MMP16: variants seen among roughly 807,000 people sequenced by gnomAD.
MMP16 encodes the protein matrix metalloproteinase-16.
Under a neutral mutation model 67.8 loss-of-function variants are expected in MMP16, and 12 were observed. The observed-to-expected ratio is 0.18, with a 90% CI of 0.11 to 0.29. The LOEUF (loss-of-function observed/expected upper bound fraction) is 0.29. Ranked by LOEUF, MMP16 falls within the 10% of genes least tolerant of loss-of-function variation. The pLI is 1.00. For missense variants in MMP16, 475 were observed against 765.7 expected (o/e 0.62, Z 4.48); for synonymous variants, 249 against 255.9 (o/e 0.97, Z 0.26).
chr8:88,131,156 C>A (rs1293082503), intron 4 of MMP16, among the ~76,000 whole-genome samples: 1 of 151,568 alleles, frequency 6.6e-6, no homozygotes, highest in African/African-American at 2.4e-5. Flanking sequence ...GAAATAAAGG[C>A]TTGGTGTAAA....
intron 1 of MMP16, among the ~76,000 whole-genome samples, chr8:88,249,115 G>A (rs1042058078): frequency 6.6e-6 from 1 of 151,958 alleles, no homozygotes; most frequent in Non-Finnish European, 1.5e-5. Flanking sequence ...AGGGGACACT[G>A]AGCTGGAAAG....
intron 6 of MMP16, among the ~76,000 whole-genome samples, chr8:88,087,123 T>C (rs1027431142): frequency 2.6e-5 from 4 of 151,886 alleles, no homozygotes; most frequent in Non-Finnish European, 5.9e-5. Flanking sequence ...CCTGCTCCTA[T>C]AGTCCTAAAC....
rs368877898 is a variant in MMP16, at chr8:88,105,165, T to A, written c.1083+11342A>T. The stretch of plus-strand genomic sequence containing the variant: ...TTTTATCTCATCTTTTTTTTTTTTT[T>A]ACCTTAGCTATCATTAGGCAACTCA... On this transcript the variant is annotated intron_variant, in intron 6 of 9. Transcript: ENST00000286614. Among the ~76,000 whole-genome samples, 13 of 132,386 alleles carry A rather than the reference T, an allele frequency of 9.8e-5. 1 individual carries two copies. In the Admixed American group the frequency reaches 9.8e-4, roughly 10 times the overall value. 86.9% of individuals were successfully genotyped at this position (132,386 alleles called of 152,430 possible). A position where few individuals can be genotyped will look rare whatever the true frequency, so the allele number is the denominator to read the frequency against.
intron 1 of MMP16, among the ~76,000 whole-genome samples, chr8:88,241,410 A>G (rs995755879): frequency 1.3e-5 from 2 of 152,184 alleles, no homozygotes; most frequent in African/African-American, 4.8e-5. Flanking sequence ...ACTATAGTCC[A>G]GCAAATCAGT....
At chr8:88,107,815 C>T (rs1809268180) in intron 6 of MMP16, among the ~76,000 whole-genome samples, 2 of 150,976 alleles carry the variant, frequency 1.3e-5, no homozygotes, top group South Asian at 2.1e-4. Context: ...AACATAAATA[C>T]ACTTGTTGAG....
chr8:88,220,787 T>A (rs997014246), intron 1 of MMP16, among the ~76,000 whole-genome samples: 2 of 152,152 alleles, frequency 1.3e-5, no homozygotes, highest in Non-Finnish European at 2.9e-5. Context: ...CCACCCAAAC[T>A]ATTGTCCAGC....
At chr8:88,283,937 G>A (rs771480580) in intron 1 of MMP16, among the ~76,000 whole-genome samples, 2 of 152,136 alleles carry the variant, frequency 1.3e-5, no homozygotes, top group African/African-American at 2.4e-5. Context: ...AGCATCAAAT[G>A]GTGCTAAAAG....
At chr8:88,067,288 T>A (rs1288796238) in intron 7 of MMP16, among the ~76,000 whole-genome samples, 1 of 152,082 alleles carries the variant, frequency 6.6e-6, no homozygotes, top group Non-Finnish European at 1.5e-5. Flanking sequence ...TAGTATTAAT[T>A]TGGATATTCA....
intron 1 of MMP16, among the ~76,000 whole-genome samples, chr8:88,304,442 G>A (rs1269864753): frequency 6.6e-6 from 1 of 152,124 alleles, no homozygotes; most frequent in African/African-American, 2.4e-5. Context: ...AGGAACTGCA[G>A]AGAACCCCAG....
At chr8:88,055,656 T>C (rs969090810) in intron 8 of MMP16, among the ~76,000 whole-genome samples, 2 of 152,250 alleles carry the variant, frequency 1.3e-5, no homozygotes, top group South Asian at 2.1e-4. Context: ...AGTTTGACTA[T>C]GGTAGCTTCT....
intron 9 of MMP16, among the ~76,000 whole-genome samples, chr8:88,045,818 G>C (rs1037131356): frequency 6.6e-6 from 1 of 151,942 alleles, no homozygotes; most frequent in African/African-American, 2.4e-5. Flanking sequence ...CTTATGTTGA[G>C]CATATGTCAC....
intron 4 of MMP16, among the ~76,000 whole-genome samples, chr8:88,143,554 A>G (rs993668394): frequency 4.6e-5 from 7 of 152,070 alleles, no homozygotes; most frequent in African/African-American, 1.7e-4. Context: ...AGAATTCATT[A>G]TGTTCTTAAG....
At chr8:88,189,828 T>C (rs1252832901) in intron 2 of MMP16, among the ~76,000 whole-genome samples, 1 of 152,180 alleles carries the variant, frequency 6.6e-6, no homozygotes, top group Non-Finnish European at 1.5e-5. Flanking sequence ...ATGCAGCATG[T>C]CTTATAATGT....
intron 1 of MMP16, among the ~76,000 whole-genome samples, chr8:88,277,286 T>G (rs1810663338): frequency 6.6e-6 from 1 of 152,190 alleles, no homozygotes; most frequent in African/African-American, 2.4e-5. Context: ...CTTATATATT[T>G]AATTTGTCAC....
chr8:88,241,316 C>T (rs568890074), intron 1 of MMP16, among the ~76,000 whole-genome samples: 25 of 152,046 alleles, frequency 1.6e-4, no homozygotes, highest in South Asian at 2.1e-4. Context: ...ACCTCTATGT[C>T]GCTTTTCTTA....
At chr8:88,271,684 G>A (rs2129973427) in intron 1 of MMP16, among the ~76,000 whole-genome samples, 1 of 152,206 alleles carries the variant, frequency 6.6e-6, no homozygotes, top group East Asian at 1.9e-4. Context: ...AGAAAAGGTT[G>A]ATTCTCAAAG....
intron 1 of MMP16, among the ~76,000 whole-genome samples, chr8:88,252,874 G>T (rs1810248142): frequency 1.3e-5 from 2 of 152,132 alleles, no homozygotes; most frequent in African/African-American, 2.4e-5. Flanking sequence ...ATGCAAATTA[G>T]ATAACTAGAT....
At chr8:88,088,051 T>TTATATCTATATATAATAGATATCTA (rs1808868914) in intron 6 of MMP16, among the ~76,000 whole-genome samples, 2 of 38,808 alleles carry the variant, frequency 5.2e-5, no homozygotes, top group African/African-American at 1.8e-4. Flanking sequence ...TAGATATCTA[T>TTATATCTATATATAATAGATATCTA]TATATCTATA....
At chr8:88,168,364 T>C (rs919403010) in intron 3 of MMP16, among the ~76,000 whole-genome samples, 1 of 152,194 alleles carries the variant, frequency 6.6e-6, no homozygotes, top group African/African-American at 2.4e-5. Flanking sequence ...CACCATTGTA[T>C]TTGCACACAT....
Sources: allele counts gnomAD v4.1 joint callset (sites outside exome capture counted in the v4.1 genomes callset), GRCh38; gene constraint gnomAD v4.1.1; transcripts MANE v1.5; gene names NCBI Gene and HGNC (gene_info 2026-07-23, HGNC 2026-07-21).